DLG2: variants seen among roughly 807,000 people sequenced by gnomAD.
DLG2 encodes the protein discs large MAGUK scaffold protein 2, also known as disks large homolog 2.
Under a neutral mutation model 132.5 loss-of-function variants are expected in DLG2, and 45 were observed. The observed-to-expected ratio is 0.34, with a 90% CI of 0.27 to 0.44. The LOEUF (loss-of-function observed/expected upper bound fraction) is 0.44. Ranked by LOEUF, DLG2 falls within the 20% of genes least tolerant of loss-of-function variation. The probability of loss-of-function intolerance (pLI) is 1.00; values close to 1 mark genes in which losing one functional copy is unlikely to be tolerated. For synonymous variants in DLG2, 424 were observed against 419.6 expected, an observed-to-expected ratio of 1.01 and a Z score of -0.13; for missense variants, 1,045 against 1,196.9, an observed-to-expected ratio of 0.87 and a Z score of 1.87.
intron 6 of DLG2, among the ~76,000 whole-genome samples, chr11:84,537,024 C>A (rs568997): frequency 0.57 from 85,987 of 151,932 alleles, 25,285 homozygotes; most frequent in East Asian, 0.76. Context: ...CAATGGCTCA[C>A]ACTGCCCACA....
rs375721979 is a variant in DLG2 at position 84,121,719 on chromosome 11, G to A, written c.625-22672C>T. Among the ~76,000 whole-genome samples the A allele has an allele frequency of 3.3e-5, 5 of 151,316 alleles. No homozygotes were observed. In the East Asian group the frequency reaches 6.0e-4, roughly 18 times the overall value. ...TGGGACTACAGGTGCCCACCACCAC[G>A]CCTGGCTAATTTTTTGTATTTTTAG... On this transcript the variant is annotated intron_variant, in intron 9 of 27. Transcript: ENST00000376104.
intron 6 of DLG2, among the ~76,000 whole-genome samples, chr11:84,699,497 G>A (rs1232381764): frequency 6.6e-6 from 1 of 151,484 alleles, no homozygotes; most frequent in East Asian, 2.0e-4. Context: ...GCACTGAAGA[G>A]TGACTAATCC....
intron 7 of DLG2, among the ~76,000 whole-genome samples, chr11:84,457,831 C>G (rs997717369): frequency 6.6e-6 from 1 of 150,788 alleles, no homozygotes; most frequent in African/African-American, 2.4e-5. Context: ...CTCATAAATA[C>G]CAATTTTTAC....
At chr11:85,103,420 A>G (rs909420964) in intron 6 of DLG2, among the ~76,000 whole-genome samples, 1 of 151,978 alleles carries the variant, frequency 6.6e-6, no homozygotes, top group Non-Finnish European at 1.5e-5. Flanking sequence ...AGATTATTGA[A>G]ACAGAGTTGA....
intron 21 of DLG2, among the ~76,000 whole-genome samples, chr11:83,502,795 G>C (rs1405132031): frequency 2.0e-5 from 3 of 152,072 alleles, no homozygotes; most frequent in Non-Finnish European, 4.4e-5. Flanking sequence ...CCCTCACTGA[G>C]ATCCATACGT....
intron 6 of DLG2, among the ~76,000 whole-genome samples, chr11:85,038,262 C>A (rs1458325492): frequency 6.6e-6 from 1 of 152,062 alleles, no homozygotes; most frequent in Non-Finnish European, 1.5e-5. Context: ...TTGTCTTTTT[C>A]TGAAGTTCCT....
intron 3 of DLG2, among the ~76,000 whole-genome samples, chr11:85,497,254 A>C (rs766197588): frequency 7.2e-5 from 11 of 151,958 alleles, no homozygotes; most frequent in Non-Finnish European, 1.6e-4. Flanking sequence ...GGAGCTGAAA[A>C]CCACAGTACG....
intron 7 of DLG2, among the ~76,000 whole-genome samples, chr11:84,515,327 T>G (rs1237784353): frequency 1.3e-5 from 2 of 149,568 alleles, no homozygotes; most frequent in African/African-American, 4.9e-5. Flanking sequence ...CCCAAATATA[T>G]GCAGCCTACG....
intron 7 of DLG2, among the ~76,000 whole-genome samples, chr11:84,367,345 A>G (rs1005203246): frequency 3.3e-5 from 5 of 152,104 alleles, no homozygotes; most frequent in Admixed American, 6.6e-5. Context: ...GCCACAGATG[A>G]TACAGAAATG....
intron 6 of DLG2, among the ~76,000 whole-genome samples, chr11:84,671,128 T>G (rs757881160): frequency 3.3e-5 from 5 of 151,236 alleles, no homozygotes; most frequent in Non-Finnish European, 7.4e-5. Flanking sequence ...AAAGTCTCAC[T>G]CTGTCACCCA....
intron 18 of DLG2, among the ~76,000 whole-genome samples, chr11:83,653,650 A>C (rs1465039829): frequency 6.6e-6 from 1 of 152,216 alleles, no homozygotes; most frequent in Non-Finnish European, 1.5e-5. Context: ...AAATACATAC[A>C]TTTTGTCTGT....
At chr11:85,262,873 C>T (rs1353978565) in intron 4 of DLG2, among the ~76,000 whole-genome samples, 1 of 152,170 alleles carries the variant, frequency 6.6e-6, no homozygotes, top group Non-Finnish European at 1.5e-5. Flanking sequence ...GGTCCGGGAA[C>T]AGCCATGCTA....
At chr11:84,056,432 G>A (rs1426941628) in intron 11 of DLG2, among the ~76,000 whole-genome samples, 1 of 152,066 alleles carries the variant, frequency 6.6e-6, no homozygotes. Flanking sequence ...GTGAAATCAT[G>A]GCTCAGGCTC....
At chr11:84,220,780 C>CTTTTTTTTTTTTTTTTTTTTT (rs5793114) in intron 8 of DLG2, among the ~76,000 whole-genome samples, 18 of 77,532 alleles carry the variant, frequency 2.3e-4, no homozygotes, top group East Asian at 3.9e-4. Flanking sequence ...TTTTTCTTTT[C>CTTTTTTTTTTTTTTTTTTTTT]TTTTTTTTTT....
chr11:84,072,698 G>A (rs984951814), intron 10 of DLG2, among the ~76,000 whole-genome samples: 2 of 152,196 alleles, frequency 1.3e-5, no homozygotes, highest in Non-Finnish European at 2.9e-5. Context: ...TGAACTTAAA[G>A]GCACTGGAAA....
chr11:83,883,281 T>C (rs928250406), intron 15 of DLG2, among the ~76,000 whole-genome samples: 3 of 152,202 alleles, frequency 2.0e-5, no homozygotes, highest in South Asian at 2.1e-4. Context: ...ATGTCTAAAT[T>C]GTTCTTTAAT....
intron 7 of DLG2, among the ~76,000 whole-genome samples, chr11:84,468,177 T>C (rs2099099508): frequency 6.6e-6 from 1 of 151,596 alleles, no homozygotes; most frequent in Admixed American, 6.6e-5. Flanking sequence ...CTACATTTTA[T>C]AACACAGAAA....
chr11:84,264,523 A>T (rs972521272), intron 7 of DLG2, among the ~76,000 whole-genome samples: 4 of 152,154 alleles, frequency 2.6e-5, no homozygotes, highest in African/African-American at 9.7e-5. Context: ...ACAAGAAAAA[A>T]GAATGAAAGA....
At chr11:84,823,609 ACACAC>A (rs2077972757) in intron 6 of DLG2, among the ~76,000 whole-genome samples, 1 of 150,752 alleles carries the variant, frequency 6.6e-6, no homozygotes, top group African/African-American at 2.4e-5. Context: ...ACACACACAC[ACACAC>A]ACACACACAC....
Sources: gnomAD v4.1 joint callset for allele counts (sites outside exome capture counted in the v4.1 genomes callset) on GRCh38, gnomAD v4.1.1 for gene constraint, MANE v1.5 for transcripts, NCBI Gene and HGNC (gene_info 2026-07-23, HGNC 2026-07-21) for gene names.